Variants in COL15A1 observed in about 807,000 individuals in gnomAD.
The protein encoded by COL15A1 is collagen type XV alpha 1 chain, also known as collagen alpha-1(XV) chain.
Under a neutral mutation model 165.9 loss-of-function variants are expected in COL15A1, and 111 were observed. The ratio of observed to expected loss-of-function variants is 0.67; its 90% CI spans 0.57 to 0.78. The LOEUF is 0.78. Ranked by LOEUF, COL15A1 falls within the 30% of genes least tolerant of loss-of-function variation. The pLI is 0.00. For missense variants in COL15A1, 1,745 were observed against 1,789.7 expected, an observed-to-expected ratio of 0.98 and a Z score of 0.45; for synonymous variants, 659 against 674.8, an observed-to-expected ratio of 0.98 and a Z score of 0.36.
chr9:99,062,662 A>G (rs1247941479), intron 38 of COL15A1, among the ~76,000 whole-genome samples: 1 of 152,236 alleles, frequency 6.6e-6, no homozygotes, highest in African/African-American at 2.4e-5. Flanking sequence ...GAACATGGGC[A>G]ACTGGCATTG....
chr9:98,958,639 T>G (rs7874124), intron 2 of COL15A1, among the ~76,000 whole-genome samples: 54,379 of 152,078 alleles, frequency 0.36, 9,795 homozygotes, highest in Non-Finnish European at 0.38. Context: ...CCCCTTTTAG[T>G]ATATGAGCTT....
chr9:98,999,445 C>T (rs1480289750), intron 6 of COL15A1, among the ~76,000 whole-genome samples: 1 of 151,732 alleles, frequency 6.6e-6, no homozygotes, highest in Non-Finnish European at 1.5e-5. Flanking sequence ...GGAGGGAGTG[C>T]ATGGGACAAT....
intron 13 of COL15A1, among the ~76,000 whole-genome samples, chr9:99,022,794 G>A (rs1401264068): frequency 6.6e-6 from 1 of 152,204 alleles, no homozygotes; most frequent in Non-Finnish European, 1.5e-5. Context: ...TGCTGGAAAG[G>A]TGTTTTGAAG....
rs1429154029 is a variant in COL15A1 at position 99,052,008 on chromosome 9, G to A, written c.2905-380G>A. Among the ~76,000 whole-genome samples the A allele has an allele frequency of 5.4e-4, 82 of 152,160 alleles. 1 individual carries two copies. The highest frequency in any genetic ancestry group is 2.8e-4 in the Non-Finnish European group (19 of 68,034). On this transcript the variant is annotated intron_variant, in intron 30 of 41. Transcript: ENST00000375001. ...TCACGGTTGGGCATGTCACTTGCTC[G>A]GATGCTTGACCTTACACATGAATCA...
At chr9:98,987,444 C>A in intron 4 of COL15A1, 76 bp downstream of exon 4, 1 of 1,380,178 alleles carries the variant, frequency 7.2e-7, no homozygotes, top group Non-Finnish European at 1.0e-6. Flanking sequence ...GATGCCCAGA[C>A]AGTGGCGTGG....
At chr9:98,988,317 T>C (rs1249328318) in intron 4 of COL15A1, among the ~76,000 whole-genome samples, 4 of 152,150 alleles carry the variant, frequency 2.6e-5, no homozygotes, top group Non-Finnish European at 2.9e-5. Context: ...ATCAGTGTAG[T>C]CACGCGTTAG....
chr9:98,966,525 C>T (rs1402599866), intron 2 of COL15A1, among the ~76,000 whole-genome samples: 1 of 152,194 alleles, frequency 6.6e-6, no homozygotes, highest in African/African-American at 2.4e-5. Flanking sequence ...ACCTCAAGGA[C>T]CCTAACAGTA....
rs756219569 is a variant in COL15A1, at chr9:99,059,904, G to A, written c.3353G>A (p.Gly1118Asp). 2 of 1,613,626 alleles carry A rather than the reference G, an allele frequency of 1.2e-6. No individual in the cohort carries two copies. The highest frequency in any genetic ancestry group is 1.7e-6 in the Non-Finnish European group (2 of 1,179,898). The change falls in exon 36 of 42, where the codon GGT (glycine) becomes GAT (aspartate). Residue 1118 changes from glycine (G) to aspartate (D), a missense_variant. Coordinates refer to ENST00000375001, the MANE Select transcript of COL15A1 (RefSeq NM_001855.5). ...AILGAAVALP[G>D]PPGPPGQPGL... is the part of the protein sequence containing the mutation. Reference sequence around the variant, plus strand: ...TTTGTCTTAGCTGTGGCCCTTCCAGGTCCCCCTGGCCCTCCAGGACAGCCA... The same window carrying A: ...TTTGTCTTAGCTGTGGCCCTTCCAGATCCCCCTGGCCCTCCAGGACAGCCA...
In COL15A1 at chr9:98,985,895, A is replaced by G; in HGVS notation, c.431A>G (p.His144Arg). 1.9e-6 allele frequency: 3 copies of G among 1,613,594 alleles called. No individual in the cohort carries two copies. Among genetic ancestry groups the G allele is most frequent in the South Asian group, 1.1e-5 (1 of 91,050 alleles). ...IILYYTEPGSHVSQEAAAFSV... is the reference protein window; with the variant it reads ...IILYYTEPGSRVSQEAAAFSV... ...CTCTACTACACGGAGCCAGGCTCCCATGTGTCCCAAGAGGCTGCTGCCTTC... is the reference window on the plus strand; with the variant it reads ...CTCTACTACACGGAGCCAGGCTCCCGTGTGTCCCAAGAGGCTGCTGCCTTC... The change falls in exon 3 of 42, where the codon CAT becomes CGT. Residue 144 changes from histidine to arginine, a missense_variant. Physicochemically the swap from His to Arg is conservative, Grantham distance 29 (BLOSUM62 0). Transcript: ENST00000375001.
rs1376140092 is a variant in COL15A1, at chr9:99,020,413, A to G, written c.1672A>G (p.Lys558Glu). The change falls in exon 12 of 42, where the codon AAA becomes GAA. Residue 558 changes from lysine (K) to glutamate (E), a missense_variant. Coordinates refer to ENST00000375001, the MANE Select transcript of COL15A1 (RefSeq NM_001855.5). ...TPAQREHVGM[K>E]GQAGPKGEKG... ...GGCTCAAAGAGAACATGTGGGAATG[A>G]AAGGACAGGCTGGGCCCAAAGGAGA... 6.2e-7 allele frequency: 1 copy of G among 1,613,716 alleles called. No homozygotes were observed. The highest frequency in any genetic ancestry group is 8.5e-7 in the Non-Finnish European group (1 of 1,179,616).
At chr9:99,009,605 A>T (rs1258508681) in intron 9 of COL15A1, among the ~76,000 whole-genome samples, 1 of 152,218 alleles carries the variant, frequency 6.6e-6, no homozygotes, top group Non-Finnish European at 1.5e-5. Context: ...AAAAAGTATA[A>T]AACACTTGAT....
chr9:98,999,885 C>T, intron 6 of COL15A1, among the ~76,000 whole-genome samples: 1 of 139,632 alleles, frequency 7.2e-6, no homozygotes. Context: ...GATGGAATCT[C>T]ACTCTGTCAC....
intron 2 of COL15A1, among the ~76,000 whole-genome samples, chr9:98,957,858 CT>C (rs375703469): frequency 1.3e-5 from 2 of 151,698 alleles, no homozygotes; most frequent in Non-Finnish European, 2.9e-5. Context: ...TTTCTATCTT[CT>C]TTTTTTTTCT....
chr9:99,055,624 G>C (rs1825710614), intron 34 of COL15A1, among the ~76,000 whole-genome samples: 1 of 152,222 alleles, frequency 6.6e-6, no homozygotes, highest in Non-Finnish European at 1.5e-5. Flanking sequence ...CCTTATTCAT[G>C]ACATTGGTGG....
rs111932622 is a variant in COL15A1, at chr9:98,959,597, T to TAA, written c.100+15359_100+15360dup. 2.2e-3 allele frequency among the ~76,000 whole-genome samples: 320 copies of TAA among 143,678 alleles called. 3 individuals are homozygous for TAA. The highest frequency in any genetic ancestry group is 7.7e-3 in the African/African-American group (306 of 39,560). The allele number at this position is 143,678 out of a possible 152,430, so 94.3% of individuals were successfully genotyped here. On this transcript the variant is annotated intron_variant, in intron 2 of 41. Coordinates refer to ENST00000375001, the MANE Select transcript of COL15A1 (RefSeq NM_001855.5). ...TGGGCAACAGAGTGAGATCTTGCCA[T>TAA]AAAAAAAAAAAAATTAATTCTGCCC...
chr9:99,003,446 T>C lies in COL15A1; in HGVS notation c.1066-7T>C. ...GACATGGTCTCTTGTGATGCCTTTG[T>C]TTTCAGAATTTAGCAGCAACAGCAG... On this transcript the variant is annotated splice_region_variant and splice_polypyrimidine_tract_variant and intron_variant, in intron 7 of 41. Coordinates refer to ENST00000375001, the MANE Select transcript of COL15A1 (RefSeq NM_001855.5). 6.7e-7 allele frequency: 1 copy of C among 1,489,312 alleles called. No individual in the cohort carries two copies. The highest frequency in any genetic ancestry group is 1.4e-5 in the African/African-American group (1 of 70,596). The allele number at this position is 1,489,312 out of a possible 1,614,324, so 92.3% of individuals were successfully genotyped here.
intron 24 of COL15A1, among the ~76,000 whole-genome samples, chr9:99,043,267 A>C (rs1219952706): frequency 6.6e-6 from 1 of 151,890 alleles, no homozygotes; most frequent in East Asian, 1.9e-4. Context: ...GTTTGGCATC[A>C]CGTGGGGATG....
Position 98,985,635 on chromosome 9 carries a change from T to C in COL15A1, c.171T>C (p.Phe57=), listed in dbSNP as rs994542363. ...TCCCGCTGCCCTCGTCCGTATCCTT[T>C]GTCACAGGCTATGGTGGCTTCCCGG... is the stretch of plus-strand genomic sequence containing the variant. ...IGVPLPSSVS[F]VTGYGGFPAY... is the part of the protein sequence containing the mutation. The change falls in exon 3 of 42, where the codon TTT becomes TTC. Residue 57 remains phenylalanine, a synonymous_variant. Transcript: ENST00000375001. The C allele has an allele frequency of 3.7e-6, 6 of 1,614,164 alleles. No individual in the cohort carries two copies. The highest frequency in any genetic ancestry group is 1.3e-5 in the African/African-American group (1 of 74,952).
chr9:99,065,788 C>G (rs1471117077), intron 39 of COL15A1, among the ~76,000 whole-genome samples: 1 of 150,970 alleles, frequency 6.6e-6, no homozygotes, highest in Non-Finnish European at 1.5e-5. Flanking sequence ...AGAAAAATAT[C>G]CAGAGATGTG....
Sources: gnomAD v4.1 joint callset for allele counts (sites outside exome capture counted in the v4.1 genomes callset) on GRCh38, gnomAD v4.1.1 for gene constraint, MANE v1.5 for transcripts, NCBI Gene and HGNC (gene_info 2026-07-23, HGNC 2026-07-21) for gene names.